The following SIL1 variants were observed in gnomAD, a reference collection of about 807,000 sequenced individuals.
SIL1 encodes the protein SIL1 nucleotide exchange factor.
A neutral mutation model predicts 49.1 loss-of-function variants in SIL1; 40 were observed. That is an observed-to-expected ratio of 0.81 (90% confidence interval 0.63 to 1.06). The LOEUF is 1.06. Among genes scored for constraint, SIL1 ranks in the 50% least tolerant of loss-of-function variants. The pLI is 0.00. For missense variants in SIL1, 500 were observed against 572.6 expected, an observed-to-expected ratio of 0.87 and a Z score of 1.29; for synonymous variants, 253 against 250.8, an observed-to-expected ratio of 1.01 and a Z score of -0.08.
intron 3 of SIL1, among the ~76,000 whole-genome samples, chr5:139,055,589 ACTCTCCCTCTCC>A (rs747907072): frequency 8.2e-5 from 9 of 110,132 alleles, no homozygotes; most frequent in Admixed American, 3.6e-4. Flanking sequence ...AACATCACTG[ACTCTCCCTCTCC>A]CTCTCCCTCT....
At chr5:139,171,707 T>TAAAAAAAAAAAAAAAA (rs1751773931) in intron 1 of SIL1, among the ~76,000 whole-genome samples, 1 of 106,086 alleles carries the variant, frequency 9.4e-6, no homozygotes, top group African/African-American at 3.5e-5. Flanking sequence ...TAAAAAAAAA[T>TAAAAAAAAAAAAAAAA]AAAAAGAAAA....
intron 7 of SIL1, among the ~76,000 whole-genome samples, chr5:138,989,828 C>T (rs568607146): frequency 1.8e-4 from 27 of 152,270 alleles, no homozygotes; most frequent in Non-Finnish European, 2.5e-4. Flanking sequence ...TCTAACTGCA[C>T]GGGAAATGCC....
chr5:139,132,487 A>G (rs1179776340), intron 1 of SIL1, among the ~76,000 whole-genome samples: 1 of 152,100 alleles, frequency 6.6e-6, no homozygotes, highest in African/African-American at 2.4e-5. Context: ...GCCTCTATAT[A>G]TTTTTCCACA....
chr5:139,035,023 T>C, intron 5 of SIL1: 1 of 193,198 alleles, frequency 5.2e-6, no homozygotes, highest in Non-Finnish European at 1.1e-5. Flanking sequence ...TGATCAGTGA[T>C]GTTGAGCTTT....
intron 1 of SIL1, among the ~76,000 whole-genome samples, chr5:139,196,773 A>G (rs868323511): frequency 3.9e-5 from 6 of 152,196 alleles, no homozygotes; most frequent in Non-Finnish European, 7.3e-5. Context: ...CCCGAGAGCC[A>G]TGTTCTCAAA....
At chr5:138,981,827 C>T (rs2150399613) in intron 7 of SIL1, among the ~76,000 whole-genome samples, 1 of 151,406 alleles carries the variant, frequency 6.6e-6, no homozygotes, top group South Asian at 2.1e-4. Context: ...CTCAATCTCT[C>T]TCTCTTTTTT....
chr5:139,156,901 G>A (rs1234023624), intron 1 of SIL1, among the ~76,000 whole-genome samples: 2 of 152,174 alleles, frequency 1.3e-5, no homozygotes, highest in Admixed American at 6.5e-5. Flanking sequence ...CAGCAGCCAC[G>A]TGAAACTAAC....
At chr5:139,105,055 C>T (rs1022729010) in intron 3 of SIL1, among the ~76,000 whole-genome samples, 1 of 152,146 alleles carries the variant, frequency 6.6e-6, no homozygotes, top group Admixed American at 6.5e-5. Context: ...CGGCAGGACT[C>T]GCTCTCCGTA....
intron 7 of SIL1, among the ~76,000 whole-genome samples, chr5:138,989,425 G>A (rs927665326): frequency 1.1e-4 from 16 of 152,148 alleles, no homozygotes; most frequent in Non-Finnish European, 1.0e-4. Flanking sequence ...TGGTTTGAAT[G>A]AACCTCTGTG....
At chr5:139,035,375 C>T (rs924115986) in intron 5 of SIL1, 1 of 536,994 alleles carries the variant, frequency 1.9e-6, no homozygotes, top group Non-Finnish European at 3.7e-6. Context: ...TCTTTCTGTC[C>T]CTTGGCAGTT....
At position 139,117,939 on chromosome 5, in the gene SIL1, G is replaced by C. The variant is rs542302129; in HGVS notation, c.244+3096C>G. ...AGTCTGGAAATCTGCCTTCAAATGA[G>C]CACAGCCAAAACAGCCCACGAAACC... On this transcript the variant is annotated intron_variant, in intron 3 of 9. Coordinates refer to ENST00000394817, the MANE Select transcript of SIL1 (RefSeq NM_022464.5). 2.6e-5 allele frequency among the ~76,000 whole-genome samples: 4 copies of C among 152,220 alleles called. No individual in the cohort carries two copies. In the East Asian group the frequency reaches 7.8e-4, roughly 29 times the overall value.
At chr5:139,047,894 G>C (rs1769200970) in intron 4 of SIL1, among the ~76,000 whole-genome samples, 1 of 152,354 alleles carries the variant, frequency 6.6e-6, no homozygotes, top group Admixed American at 6.5e-5. Context: ...CTCTCCAAAG[G>C]AGGAAAGTAA....
Position 139,026,817 on chromosome 5 carries a change from T to A in SIL1, c.629A>T (p.Glu210Val). 1 of 1,614,064 alleles carries A rather than the reference T, an allele frequency of 6.2e-7. No individual in the cohort carries two copies. The highest frequency in any genetic ancestry group is 8.5e-7 in the Non-Finnish European group (1 of 1,179,964). ...EEKIAALFDL[E>V]YYVHQMDNAQ... is the part of the protein sequence containing the mutation. The stretch of plus-strand genomic sequence containing the variant: ...ATACAGTACCTGATGGACATAATAT[T>A]CAAGATCAAAGAGCGCAGCAATCTT... Residue 210 changes from glutamate (E) to valine (V), a missense_variant, in exon 6 of 10, where the codon GAA becomes GTA. Transcript: ENST00000394817.
chr5:139,138,880 T>C (rs2151800444), intron 1 of SIL1, among the ~76,000 whole-genome samples: 1 of 152,342 alleles, frequency 6.6e-6, no homozygotes, highest in East Asian at 1.9e-4. Context: ...CTAGCTTCCC[T>C]GAGCCACAAG....
intron 8 of SIL1, 37 bp downstream of exon 8, chr5:138,951,751 C>G (rs772896004): frequency 6.3e-7 from 1 of 1,589,224 alleles, no homozygotes; most frequent in Non-Finnish European, 8.6e-7. Context: ...CACACGTGTC[C>G]TGGAGGCTGG....
Position 139,141,531 on chromosome 5 carries a change from A to C in SIL1, c.-10-13678T>G, listed in dbSNP as rs60433419. On this transcript the variant is annotated intron_variant, in intron 1 of 9. Transcript: ENST00000394817. ...TTCATTAGCAGGGCATGGTGATGCA[A>C]CTATGGTCTCAACTACTCAGGAGGC... Among the ~76,000 whole-genome samples, 1,053 of 152,214 alleles carry C rather than the reference A, an allele frequency of 6.9e-3. 8 individuals carry two copies. The highest frequency in any genetic ancestry group is 0.024 in the African/African-American group (1,009 of 41,526).
chr5:138,963,477 T>C (rs954968863), intron 7 of SIL1, among the ~76,000 whole-genome samples: 1 of 152,202 alleles, frequency 6.6e-6, no homozygotes, highest in South Asian at 2.1e-4. Flanking sequence ...CATCTCTTAA[T>C]AGCAAAAGAA....
intron 3 of SIL1, among the ~76,000 whole-genome samples, chr5:139,078,882 T>A (rs1053622926): frequency 5.9e-5 from 9 of 152,226 alleles, no homozygotes; most frequent in Admixed American, 5.9e-4. Flanking sequence ...TATTGGCCAT[T>A]CACTTTCTAG....
At chr5:138,995,372 G>A (rs1237384293) in intron 7 of SIL1, among the ~76,000 whole-genome samples, 1 of 151,596 alleles carries the variant, frequency 6.6e-6, no homozygotes. Context: ...AGCCTCCCAA[G>A]TAGCTGGGAT....
Sources: gnomAD v4.1 joint callset for allele counts (sites outside exome capture counted in the v4.1 genomes callset) on GRCh38, gnomAD v4.1.1 for gene constraint, MANE v1.5 for transcripts, NCBI Gene and HGNC (gene_info 2026-07-23, HGNC 2026-07-21) for gene names.